Variants in MUC4 observed in about 807,000 individuals in gnomAD.
The protein encoded by MUC4 is mucin-4.
In MUC4, 202 loss-of-function variants were observed where a neutral mutation model predicts 257.9. That is an observed-to-expected ratio of 0.78 (90% confidence interval 0.70 to 0.88). The LOEUF (loss-of-function observed/expected upper bound fraction) is 0.88, where lower values mean the gene tolerates loss of function less well. MUC4 is among the 40% of genes least tolerant of loss of function. The pLI is 0.00. For missense variants in MUC4, 5,976 were observed against 6,513.7 expected (o/e 0.92, Z 2.84); for synonymous variants, 2,351 against 2,757.1 (o/e 0.85, Z 4.62).
chr3:195,767,672 T>TCAC (rs1721367017), intron 7 of MUC4, among the ~76,000 whole-genome samples: 13 of 9,092 alleles, frequency 1.4e-3, no homozygotes, highest in Non-Finnish European at 1.8e-3. Context: ...ACCATCACCA[T>TCAC]CACCACCATC....
At position 195,798,503 on chromosome 3, in the gene MUC4, A is replaced by G. The variant is rs189524540; in HGVS notation, c.83-7006T>C. On this transcript the variant is annotated intron_variant, in intron 1 of 24. Coordinates refer to ENST00000463781, the MANE Select transcript of MUC4 (RefSeq NM_018406.7). Reference sequence around the variant, plus strand: ...CGGATCATGAGGTCAGGAGATCGAGACCATCCTGGCTAACAGGGTGAACCC... The same window carrying G: ...CGGATCATGAGGTCAGGAGATCGAGGCCATCCTGGCTAACAGGGTGAACCC... 5.8e-3 allele frequency among the ~76,000 whole-genome samples: 881 copies of G among 152,248 alleles called. 5 individuals are homozygous for G. Among genetic ancestry groups the G allele is most frequent in the African/African-American group, 0.021 (852 of 41,544 alleles).
At position 195,765,174 on chromosome 3, in the gene MUC4, G is replaced by A. The variant is rs370712890; in HGVS notation, c.13799-52C>T. On this transcript the variant is annotated intron_variant, in intron 9 of 24. Coordinates refer to ENST00000463781, the MANE Select transcript of MUC4 (RefSeq NM_018406.7). ...CCCAGGCTGGGGCTGCCAGGGGCGG[G>A]GTGGGAACAAGCAGGGGCTGTTTCT... 6 of 1,589,858 alleles carry A rather than the reference G, an allele frequency of 3.8e-6. No individual in the cohort carries two copies. The Admixed American group carries it at 1.0e-4, about 27-fold the overall frequency.
At chr3:195,801,764 G>A (rs1047116460) in intron 1 of MUC4, among the ~76,000 whole-genome samples, 4 of 152,032 alleles carry the variant, frequency 2.6e-5, no homozygotes, top group East Asian at 1.9e-4. Flanking sequence ...TCATCAGTTC[G>A]GCCCCATCCA....
Position 195,762,141 on chromosome 3 carries a change from G to A in MUC4, c.14458C>T (p.His4820Tyr), listed in dbSNP as rs1304959809. The A allele has an allele frequency of 1.9e-6, 3 of 1,607,634 alleles. No individual in the cohort carries two copies. Among genetic ancestry groups the A allele is most frequent in the South Asian group, 1.1e-5 (1 of 90,048 alleles). Reference protein sequence around the residue: ...VSVIALSNILHASASLPPEYQ... With the variant: ...VSVIALSNILYASASLPPEYQ... ...TCGGGCGGGAGGCTGGCGGAGGCGTGGAGGATGTTGGAGAGCGCGATCACC... is the reference window on the plus strand; with the variant it reads ...TCGGGCGGGAGGCTGGCGGAGGCGTAGAGGATGTTGGAGAGCGCGATCACC... Residue 4820 changes from histidine (H) to tyrosine (Y), a missense_variant, in exon 14 of 25, where the codon CAC (histidine) becomes TAC (tyrosine). His to Tyr is a moderately conservative substitution (Grantham distance 83). Coordinates refer to ENST00000463781, the MANE Select transcript of MUC4 (RefSeq NM_018406.7).
chr3:195,779,182 C>T lies in MUC4; in HGVS notation c.12398G>A (p.Ser4133Asn), dbSNP rs571820970. 200 of 1,373,390 alleles carry T rather than the reference C, an allele frequency of 1.5e-4. No individual in the cohort carries two copies. In the African/African-American group the frequency reaches 3.3e-3, roughly 23 times the overall value. The allele number at this position is 1,373,390 out of a possible 1,614,324, so 85.1% of individuals were successfully genotyped here. Residue 4133 changes from serine (S) to asparagine (N), a missense_variant, in exon 2 of 25, where the codon AGC (serine) becomes AAC (asparagine). Coordinates refer to ENST00000463781, the MANE Select transcript of MUC4 (RefSeq NM_018406.7). ...GTCACCTGTGGATACTGAGGAAAGG[C>T]TGGTGACAGGAAGAGGGGTGGCCTG... ...TGQATPLPVTSLSSVSTGDTT... is the reference protein window; with the variant it reads ...TGQATPLPVTNLSSVSTGDTT...
chr3:195,781,417 C>A lies in MUC4; in HGVS notation c.10163G>T (p.Gly3388Val), dbSNP rs369246625. The A allele has an allele frequency of 3.3e-3, 5,028 of 1,529,398 alleles. 643 individuals carry two copies. The African/African-American group carries it at 0.066, about 20-fold the overall frequency. 94.7% of individuals were successfully genotyped at this position (1,529,398 alleles called of 1,614,324 possible). A position where few individuals can be genotyped will look rare whatever the true frequency, so the allele number is the denominator to read the frequency against. ...GGTGACAGGAAGAGGGGTGGCCTGA[C>A]CTGTGGATGCCGAGGAAATGTCGGT... Reference protein sequence around the residue: ...PVTDISSASTGQATPLPVTNT... With the variant: ...PVTDISSASTVQATPLPVTNT... Residue 3388 changes from glycine to valine, a missense_variant, in exon 2 of 25, where the codon GGT (glycine) becomes GTT (valine). Coordinates refer to ENST00000463781, the MANE Select transcript of MUC4 (RefSeq NM_018406.7).
At chr3:195,804,969 C>T (rs1276653241) in intron 1 of MUC4, among the ~76,000 whole-genome samples, 1 of 152,216 alleles carries the variant, frequency 6.6e-6, no homozygotes, top group East Asian at 1.9e-4. Flanking sequence ...GCAGTGACTT[C>T]GTACACATCT....
At chr3:195,761,437 G>A (rs1301169018) in intron 15 of MUC4, 47 bp downstream of exon 15, 10 of 1,472,032 alleles carry the variant, frequency 6.8e-6, no homozygotes, top group East Asian at 2.3e-5. Flanking sequence ...TAAACATACC[G>A]GCTCCCCTCA....
intron 8 of MUC4, 60 bp downstream of exon 8, chr3:195,766,603 G>A (rs1414311269): frequency 6.8e-7 from 1 of 1,475,576 alleles, no homozygotes; most frequent in Non-Finnish European, 9.5e-7. Context: ...GATGGTGTAT[G>A]GGCTGGAGGA....
At chr3:195,747,856 G>A (rs1343158753) in intron 24 of MUC4, among the ~76,000 whole-genome samples, 3 of 152,000 alleles carry the variant, frequency 2.0e-5, no homozygotes, top group Non-Finnish European at 2.9e-5. Context: ...GCAAGACTCC[G>A]TCTCAAAAAA....
chr3:195,748,866 C>A (rs1214341694), intron 24 of MUC4, 36 bp downstream of exon 24: 1 of 1,523,262 alleles, frequency 6.6e-7, no homozygotes, highest in Non-Finnish European at 8.8e-7. Context: ...GGTTCCCCAG[C>A]ACTGTCCTCC....
At chr3:195,792,272 T>C (rs976739495) in intron 1 of MUC4, among the ~76,000 whole-genome samples, 24 of 151,976 alleles carry the variant, frequency 1.6e-4, no homozygotes, top group Admixed American at 1.0e-3. Context: ...TACAAGGAAC[T>C]TAAATTTACA....
intron 7 of MUC4, among the ~76,000 whole-genome samples, chr3:195,767,721 CCACCAT>C (rs1721455346): frequency 2.2e-5 from 1 of 45,112 alleles, no homozygotes; most frequent in Non-Finnish European, 4.0e-5. Context: ...TCGGCCACCA[CCACCAT>C]CACCACCACC....
Position 195,781,895 on chromosome 3 carries a change from C to T in MUC4, c.9685G>A (p.Asp3229Asn). 1.4e-6 allele frequency: 1 copy of T among 721,188 alleles called. No individual in the cohort carries two copies. Among genetic ancestry groups the T allele is most frequent in the Non-Finnish European group, 1.8e-6 (1 of 548,004 alleles). The allele number at this position is 721,188 out of a possible 1,614,324, so 44.7% of individuals were successfully genotyped here. ...CTAGTGACAGGAAGAGGCGTGGTGT[C>T]ACCTGTGGATACTGAGGAAAGGCTG... ...VTSLSSVSTG[D>N]TTPLPVTSPS... The change falls in exon 2 of 25, where the codon GAC becomes AAC. Residue 3229 changes from aspartate to asparagine, a missense_variant. Physicochemically the swap from Asp to Asn is conservative, Grantham distance 23. Transcript: ENST00000463781.
At chr3:195,770,614 C>G in intron 5 of MUC4, 1 of 570,536 alleles carries the variant, frequency 1.8e-6, no homozygotes, top group Non-Finnish European at 3.1e-6. Context: ...GACCTCTGGA[C>G]TTGAACTCAA....
rs1204289699 is a variant in MUC4, at chr3:195,783,126, A to C, written c.8454T>G (p.Pro2818=). The C allele has an allele frequency of 1.6e-6, 2 of 1,288,736 alleles. No individual in the cohort carries two copies. Among genetic ancestry groups the C allele is most frequent in the South Asian group, 1.5e-5 (1 of 67,516 alleles). 79.8% of individuals were successfully genotyped at this position (1,288,736 alleles called of 1,614,324 possible). ...SVSTGHATSL[P]VTDASSVFTG... ...TGAACACTGAGGAAGCGTCGGTGAC[A>C]GGAAGAGAGGTGGCGTGACCTGTGG... Residue 2818 remains proline, a synonymous_variant, in exon 2 of 25, where the codon CCT becomes CCG. Transcript: ENST00000463781.
chr3:195,802,726 G>A (rs569411661), intron 1 of MUC4, among the ~76,000 whole-genome samples: 2 of 152,200 alleles, frequency 1.3e-5, no homozygotes, highest in Non-Finnish European at 2.9e-5. Context: ...TACTTCCAGC[G>A]CGTCTGTGTG....
chr3:195,761,485 G>T lies in MUC4; in HGVS notation c.14613C>A (p.Thr4871=). Residue 4871 remains threonine (T), a splice_region_variant and synonymous_variant, in exon 15 of 25, where the codon ACC becomes ACA. Coordinates refer to ENST00000463781, the MANE Select transcript of MUC4 (RefSeq NM_018406.7). The part of the protein sequence containing the change: ...PEEMLFHFGM[T]WQINGTGLLG... ...CCCCAGGACCCTGCCCAGACTCACA[G>T]GTCATTCCAAAGTGGAAAAGCATCT... The T allele has an allele frequency of 1.9e-6, 3 of 1,613,000 alleles. No individual in the cohort carries two copies. The Admixed American group carries it at 5.0e-5, about 27-fold the overall frequency.
At chr3:195,750,858 C>T (rs756231631) in intron 23 of MUC4, 31 bp downstream of exon 23, 65 of 1,602,968 alleles carry the variant, frequency 4.1e-5, no homozygotes, top group Non-Finnish European at 4.8e-5. Context: ...CGCAGTGACC[C>T]CCATAGTGTC....
Sources: allele counts gnomAD v4.1 joint callset (sites outside exome capture counted in the v4.1 genomes callset), GRCh38; gene constraint gnomAD v4.1.1; transcripts MANE v1.5; gene names NCBI Gene and HGNC (gene_info 2026-07-23, HGNC 2026-07-21).